Variants in TSPAN5 observed in about 807,000 individuals in gnomAD.
TSPAN5 encodes tetraspanin-5.
Under a neutral mutation model 37.1 loss-of-function variants are expected in TSPAN5, and 10 were observed. The observed-to-expected ratio is 0.27, with a 90% CI of 0.17 to 0.46. The LOEUF is 0.46. Ranked by LOEUF, TSPAN5 falls within the 20% of genes least tolerant of loss-of-function variation. TSPAN5 has a pLI of 1.00. For missense variants in TSPAN5, 195 were observed against 326.6 expected (o/e 0.60, Z 3.11); for synonymous variants, 110 against 118.9 (o/e 0.93, Z 0.48).
intron 7 of TSPAN5, among the ~76,000 whole-genome samples, chr4:98,473,686 C>A (rs1232721607): frequency 6.6e-6 from 1 of 152,168 alleles, no homozygotes; most frequent in Admixed American, 6.5e-5. Flanking sequence ...GTCTCGATCT[C>A]CTGACCTCAT....
intron 1 of TSPAN5, among the ~76,000 whole-genome samples, chr4:98,515,213 G>A (rs1427318620): frequency 6.6e-6 from 1 of 152,142 alleles, no homozygotes; most frequent in Non-Finnish European, 1.5e-5. Flanking sequence ...GGTTTCTCCT[G>A]AGACAAAGAA....
rs190351313 is a variant in TSPAN5 at position 98,618,751 on chromosome 4, T to C, written c.81+39395A>G. Among the ~76,000 whole-genome samples the C allele has an allele frequency of 1.6e-3, 245 of 152,316 alleles. 2 individuals are homozygous for C. Among genetic ancestry groups the C allele is most frequent in the African/African-American group, 5.3e-3 (221 of 41,570 alleles). ...AGTGTGTAGGAGCAAAAACTAAAACTGCATTTTAATTTAGTAAGCAGCAAT... is the reference window on the plus strand; with the variant it reads ...AGTGTGTAGGAGCAAAAACTAAAACCGCATTTTAATTTAGTAAGCAGCAAT... On this transcript the variant is annotated intron_variant, in intron 1 of 7. Coordinates refer to ENST00000305798, the MANE Select transcript of TSPAN5 (RefSeq NM_005723.4).
intron 1 of TSPAN5, among the ~76,000 whole-genome samples, chr4:98,634,427 G>C (rs1756811726): frequency 1.3e-5 from 2 of 151,714 alleles, no homozygotes; most frequent in South Asian, 4.2e-4. Context: ...AAATTTTCTA[G>C]AAAAATTTCC....
At chr4:98,584,412 G>A (rs114158201) in intron 1 of TSPAN5, among the ~76,000 whole-genome samples, 42 of 152,288 alleles carry the variant, frequency 2.8e-4, no homozygotes, top group African/African-American at 9.9e-4. Flanking sequence ...CAGAGATTGC[G>A]TACAATACTC....
intron 1 of TSPAN5, among the ~76,000 whole-genome samples, chr4:98,559,834 C>A (rs1421447233): frequency 6.6e-6 from 1 of 152,176 alleles, no homozygotes; most frequent in Non-Finnish European, 1.5e-5. Context: ...TAACAGCCCA[C>A]AGAAAACCAG....
chr4:98,653,421 A>T (rs1476007003), intron 1 of TSPAN5, among the ~76,000 whole-genome samples: 10 of 152,198 alleles, frequency 6.6e-5, no homozygotes, highest in African/African-American at 2.4e-4. Context: ...GCCTCAAGTA[A>T]CTGAGGCTTT....
At chr4:98,620,890 T>C (rs1417478624) in intron 1 of TSPAN5, among the ~76,000 whole-genome samples, 1 of 152,178 alleles carries the variant, frequency 6.6e-6, no homozygotes, top group East Asian at 1.9e-4. Context: ...AATTGAAAAT[T>C]CACGTAACAT....
chr4:98,474,821 G>A (rs1752660837), intron 7 of TSPAN5, among the ~76,000 whole-genome samples: 1 of 152,172 alleles, frequency 6.6e-6, no homozygotes, highest in African/African-American at 2.4e-5. Context: ...CCACAGGCAT[G>A]TGCCATTACA....
rs769164239 is a variant in TSPAN5 at position 98,627,799 on chromosome 4, G to C, written c.81+30347C>G. Among the ~76,000 whole-genome samples the C allele has an allele frequency of 4.8e-4, 73 of 152,222 alleles. 1 individual carries two copies. Among genetic ancestry groups the C allele is most frequent in the Non-Finnish European group, 3.2e-4 (22 of 68,014 alleles). On this transcript the variant is annotated intron_variant, in intron 1 of 7. Coordinates refer to ENST00000305798, the MANE Select transcript of TSPAN5 (RefSeq NM_005723.4). ...TACTTTTTACACAAAAATAATGATG[G>C]GGTTGAAAATAGAAAAAGTAAATCT...
chr4:98,561,457 T>A (rs776859404), intron 1 of TSPAN5, among the ~76,000 whole-genome samples: 3 of 152,142 alleles, frequency 2.0e-5, no homozygotes, highest in Non-Finnish European at 4.4e-5. Flanking sequence ...TCCTGGAAAA[T>A]GGTAGATATT....
chr4:98,508,094 A>G (rs58002662), intron 1 of TSPAN5, among the ~76,000 whole-genome samples: 1 of 152,352 alleles, frequency 6.6e-6, no homozygotes, highest in African/African-American at 2.4e-5. Context: ...GGATAAGCAG[A>G]GGCATTAACT....
At chr4:98,656,560 T>G (rs1433416430) in intron 1 of TSPAN5, among the ~76,000 whole-genome samples, 1 of 152,200 alleles carries the variant, frequency 6.6e-6, no homozygotes, top group Non-Finnish European at 1.5e-5. Context: ...AGAAAATAAT[T>G]CCTTCTTCCT....
At chr4:98,527,678 A>G (rs1025642178) in intron 1 of TSPAN5, among the ~76,000 whole-genome samples, 16 of 152,132 alleles carry the variant, frequency 1.1e-4, no homozygotes, top group African/African-American at 2.9e-4. Flanking sequence ...TCTCACCCCT[A>G]CGTGCTCTGT....
At chr4:98,589,280 CATT>C (rs1435537681) in intron 1 of TSPAN5, among the ~76,000 whole-genome samples, 8 of 152,176 alleles carry the variant, frequency 5.3e-5, no homozygotes, top group African/African-American at 1.9e-4. Flanking sequence ...CATATATTTG[CATT>C]ATAATATTTC....
At chr4:98,566,834 C>A (rs1197387363) in intron 1 of TSPAN5, among the ~76,000 whole-genome samples, 2 of 152,214 alleles carry the variant, frequency 1.3e-5, no homozygotes, top group Non-Finnish European at 2.9e-5. Context: ...AGGGGCACCG[C>A]ACGCAGGACA....
intron 1 of TSPAN5, among the ~76,000 whole-genome samples, chr4:98,620,581 T>A (rs1269687944): frequency 6.6e-6 from 1 of 152,210 alleles, no homozygotes; most frequent in Non-Finnish European, 1.5e-5. Context: ...GTGCTGCATA[T>A]AACAGAGGCT....
At chr4:98,571,176 T>C (rs1755109363) in intron 1 of TSPAN5, among the ~76,000 whole-genome samples, 1 of 152,154 alleles carries the variant, frequency 6.6e-6, no homozygotes, top group Non-Finnish European at 1.5e-5. Context: ...GGAGATGGGC[T>C]GGCCACTAGC....
At chr4:98,500,304 C>T (rs1490286910) in intron 2 of TSPAN5, 3 of 152,166 alleles carry the variant, frequency 2.0e-5, no homozygotes, top group Non-Finnish European at 4.4e-5. Flanking sequence ...ACAGGAAGAA[C>T]TGGAGTGTTC....
intron 2 of TSPAN5, among the ~76,000 whole-genome samples, chr4:98,503,391 C>T (rs1281849352): frequency 6.6e-6 from 1 of 152,160 alleles, no homozygotes; most frequent in Non-Finnish European, 1.5e-5. Context: ...CTCCAGCCCA[C>T]ATCCTGTGAG....
Sources: allele counts gnomAD v4.1 joint callset (sites outside exome capture counted in the v4.1 genomes callset), GRCh38; gene constraint gnomAD v4.1.1; transcripts MANE v1.5; gene names NCBI Gene and HGNC (gene_info 2026-07-23, HGNC 2026-07-21).